EFNA5: variants seen among roughly 807,000 people sequenced by gnomAD.
EFNA5 encodes the protein ephrin A5.
A neutral mutation model predicts 22.9 loss-of-function variants in EFNA5; 5 were observed. The ratio of observed to expected loss-of-function variants is 0.22; its 90% CI spans 0.11 to 0.46. The LOEUF (loss-of-function observed/expected upper bound fraction) is 0.46. Ranked by LOEUF, EFNA5 falls within the 20% of genes least tolerant of loss-of-function variation. The pLI is 0.99. For missense variants in EFNA5, 237 were observed against 293.3 expected, an observed-to-expected ratio of 0.81 and a Z score of 1.40; for synonymous variants, 113 against 112.2, an observed-to-expected ratio of 1.01 and a Z score of -0.04.
chr5:107,414,142 T>C (rs912281928), intron 2 of EFNA5, among the ~76,000 whole-genome samples: 1 of 152,166 alleles, frequency 6.6e-6, no homozygotes, highest in African/African-American at 2.4e-5. Flanking sequence ...GATTCCTACA[T>C]TGCAACCTCA....
intron 1 of EFNA5, among the ~76,000 whole-genome samples, chr5:107,466,226 G>T (rs1749976874): frequency 1.3e-5 from 2 of 152,106 alleles, no homozygotes; most frequent in Admixed American, 1.3e-4. Flanking sequence ...GTTCCACTGT[G>T]GATTTAGAGA....
intron 1 of EFNA5, among the ~76,000 whole-genome samples, chr5:107,565,237 A>T (rs1283860879): frequency 6.6e-6 from 1 of 152,224 alleles, no homozygotes; most frequent in Non-Finnish European, 1.5e-5. Context: ...GAAAGACCAC[A>T]GAGTAGCATT....
chr5:107,400,509 GAC>G (rs1268638828), intron 2 of EFNA5, among the ~76,000 whole-genome samples: 2 of 152,094 alleles, frequency 1.3e-5, no homozygotes, highest in Non-Finnish European at 1.5e-5. Context: ...TAGTATAACT[GAC>G]AGTTATAGAT....
chr5:107,582,439 G>A (rs186749588), intron 1 of EFNA5, among the ~76,000 whole-genome samples: 1 of 152,252 alleles, frequency 6.6e-6, no homozygotes, highest in East Asian at 1.9e-4. Context: ...AATGTTTAGA[G>A]AACACAATAT....
At chr5:107,415,380 T>A (rs890429742) in intron 2 of EFNA5, among the ~76,000 whole-genome samples, 3 of 152,344 alleles carry the variant, frequency 2.0e-5, no homozygotes, top group Admixed American at 2.0e-4. Flanking sequence ...ACAGAATTAA[T>A]GGTGCTTCAT....
At chr5:107,551,415 C>G (rs1432394253) in intron 1 of EFNA5, among the ~76,000 whole-genome samples, 1 of 152,122 alleles carries the variant, frequency 6.6e-6, no homozygotes, top group Non-Finnish European at 1.5e-5. Context: ...CTCAGAAATG[C>G]TTTATATTTT....
rs1363882358 is a variant in EFNA5 at position 107,511,041 on chromosome 5, T to TGTGTGTGTGTGA, written c.126-83533_126-83532insTCACACACACAC. ...GTGTGTGTGTGTGTGTGTGTGTGTGTGAGACGGAGAGTTTTGCTCTTGTTG... is the reference window on the plus strand; with the variant it reads ...GTGTGTGTGTGTGTGTGTGTGTGTGTGTGTGTGTGTGAGAGACGGAGAGTTTTGCTCTTGTTG... On this transcript the variant is annotated intron_variant, in intron 1 of 4. Coordinates refer to ENST00000333274, the MANE Select transcript of EFNA5 (RefSeq NM_001962.3). 4.2e-3 allele frequency among the ~76,000 whole-genome samples: 634 copies of TGTGTGTGTGTGA among 149,808 alleles called. 5 individuals are homozygous for TGTGTGTGTGTGA. The highest frequency in any genetic ancestry group is 0.017 in the Middle Eastern group (5 of 290).
chr5:107,634,934 T>C (rs940507088), intron 1 of EFNA5, among the ~76,000 whole-genome samples: 6 of 152,124 alleles, frequency 3.9e-5, no homozygotes, highest in African/African-American at 1.4e-4. Context: ...TATACGAAAT[T>C]CAAAAGAAAC....
At chr5:107,589,812 C>G (rs948775992) in intron 1 of EFNA5, among the ~76,000 whole-genome samples, 1 of 152,164 alleles carries the variant, frequency 6.6e-6, no homozygotes, top group Non-Finnish European at 1.5e-5. Flanking sequence ...GTCTCAGGTA[C>G]TAAAGCATCT....
chr5:107,468,041 A>C (rs1401292296), intron 1 of EFNA5, among the ~76,000 whole-genome samples: 4 of 152,220 alleles, frequency 2.6e-5, no homozygotes, highest in Admixed American at 1.3e-4. Context: ...ACTTCGTTTA[A>C]TGCTCAATAT....
chr5:107,532,395 T>C (rs1747831327), intron 1 of EFNA5, among the ~76,000 whole-genome samples: 1 of 152,188 alleles, frequency 6.6e-6, no homozygotes. Context: ...CCAGTGAAAC[T>C]GCACTCCTCT....
Position 107,625,709 on chromosome 5 carries a change from C to T in EFNA5, c.125+44780G>A, listed in dbSNP as rs566763614. Among the ~76,000 whole-genome samples, 10 of 152,224 alleles carry T rather than the reference C, an allele frequency of 6.6e-5. No homozygotes were observed. The South Asian group carries it at 1.7e-3, about 25-fold the overall frequency. On this transcript the variant is annotated intron_variant, in intron 1 of 4. Coordinates refer to ENST00000333274, the MANE Select transcript of EFNA5 (RefSeq NM_001962.3). ...TTCTAAATCCCCAAACACACCAGAA[C>T]CAATTGTGAAATTAAAATATGACAC...
intron 1 of EFNA5, among the ~76,000 whole-genome samples, chr5:107,563,584 G>A (rs899546172): frequency 2.0e-5 from 3 of 152,036 alleles, no homozygotes; most frequent in Admixed American, 1.3e-4. Flanking sequence ...CAACAGGTGT[G>A]AGCCACTATG....
At chr5:107,530,217 GGACTAGGGTT>G (rs1197200883) in intron 1 of EFNA5, among the ~76,000 whole-genome samples, 1 of 152,180 alleles carries the variant, frequency 6.6e-6, no homozygotes, top group Non-Finnish European at 1.5e-5. Flanking sequence ...AGTAACTCAG[GGACTAGGGTT>G]GACAGACAAC....
Position 107,581,786 on chromosome 5 carries a change from A to G in EFNA5, c.125+88703T>C, listed in dbSNP as rs562952867. On this transcript the variant is annotated intron_variant, in intron 1 of 4. Coordinates refer to ENST00000333274, the MANE Select transcript of EFNA5 (RefSeq NM_001962.3). ...GCCCAAGGAAAACAGATCCTTTTAT[A>G]TCTTAAGAGACAAACTGGCTGTCCT... Among the ~76,000 whole-genome samples the G allele has an allele frequency of 5.3e-5, 8 of 152,346 alleles. No individual in the cohort carries two copies. In the East Asian group the frequency reaches 1.4e-3, roughly 26 times the overall value.
chr5:107,608,462 A>C (rs17160244), intron 1 of EFNA5, among the ~76,000 whole-genome samples: 9,216 of 152,312 alleles, frequency 0.061, 908 homozygotes, highest in African/African-American at 0.21. Context: ...TTGTTCATGC[A>C]GACACTTTCA....
chr5:107,650,904 C>G (rs2112552471), intron 1 of EFNA5, among the ~76,000 whole-genome samples: 1 of 152,314 alleles, frequency 6.6e-6, no homozygotes, highest in Admixed American at 6.5e-5. Flanking sequence ...CTCCAAAGAA[C>G]CAGTCCACGA....
rs940757521 is a variant in EFNA5, at chr5:107,377,394, A to G, written c.*3861T>C. Reference sequence around the variant, plus strand: ...GGAGGAAGGCAAGAGACACACAAAAAATAAACATACTAAGTAAAAGGGGGG... The same window carrying G: ...GGAGGAAGGCAAGAGACACACAAAAGATAAACATACTAAGTAAAAGGGGGG... On this transcript the variant is annotated 3_prime_UTR_variant, in exon 5 of 5. Coordinates refer to ENST00000333274, the MANE Select transcript of EFNA5 (RefSeq NM_001962.3). 3 of 152,052 alleles carry G rather than the reference A, an allele frequency of 2.0e-5. No homozygotes were observed. The highest frequency in any genetic ancestry group is 4.8e-5 in the African/African-American group (2 of 41,364). The allele number at this position is 152,052 out of a possible 1,614,324, so 9.4% of individuals were successfully genotyped here.
intron 1 of EFNA5, among the ~76,000 whole-genome samples, chr5:107,636,403 T>A (rs1298347031): frequency 2.0e-5 from 3 of 152,174 alleles, no homozygotes; most frequent in Non-Finnish European, 4.4e-5. Context: ...CATGTTCAAA[T>A]TCAATACAAG....
Sources: gnomAD v4.1 joint callset for allele counts (sites outside exome capture counted in the v4.1 genomes callset) on GRCh38, gnomAD v4.1.1 for gene constraint, MANE v1.5 for transcripts, NCBI Gene and HGNC (gene_info 2026-07-23, HGNC 2026-07-21) for gene names.